The following PAPLN variants were observed in gnomAD, a reference collection of about 807,000 sequenced individuals.
PAPLN encodes papilin.
PAPLN carries 146 observed loss-of-function variants against 159.0 expected under a neutral mutation model. The observed-to-expected ratio is 0.92, with a 90% CI of 0.80 to 1.05. PAPLN has a LOEUF of 1.05. Among genes scored for constraint, PAPLN ranks in the 50% least tolerant of loss-of-function variants. PAPLN has a pLI of 0.00. For synonymous variants in PAPLN, 734 were observed against 702.9 expected (o/e 1.04, Z -0.70); for missense variants, 1,720 against 1,743.9 (o/e 0.99, Z 0.24).
Position 73,266,489 on chromosome 14 carries a change from C to G in PAPLN, c.3264-12C>G. 6.2e-7 allele frequency: 1 copy of G among 1,613,486 alleles called. No individual in the cohort carries two copies. The highest frequency in any genetic ancestry group is 8.5e-7 in the Non-Finnish European group (1 of 1,179,702). The stretch of plus-strand genomic sequence containing the variant: ...CTTGGGCTGGAGCCAACTGGCTGTA[C>G]TTGGTCCCCAGACACCAGCTGCAGC... On this transcript the variant is annotated splice_polypyrimidine_tract_variant and intron_variant, in intron 23 of 26. Coordinates refer to ENST00000644200, the MANE Select transcript of PAPLN (RefSeq NM_001365906.3).
Position 73,252,711 on chromosome 14 carries a change from C to T in PAPLN, c.1030C>T (p.Gln344Ter). Residue 344 changes from glutamine to a stop codon, truncating the protein, a stop_gained, in exon 11 of 27, where the codon CAG becomes TAG. Transcript: ENST00000644200. LOFTEE classifies it high-confidence loss of function. ...TGAGGCCTACCCCGACCACATGTGC[C>T]AGCGCCAGCCACGGCCAGCTGACCG... ...DHEAYPDHMC[Q>*]RQPRPADRRS... 1 of 1,613,522 alleles carries T rather than the reference C, an allele frequency of 6.2e-7. No individual in the cohort carries two copies. Among genetic ancestry groups the T allele is most frequent in the Non-Finnish European group, 8.5e-7 (1 of 1,180,000 alleles).
upstream of PAPLN, among the ~76,000 whole-genome samples, chr14:73,236,753 T>C (rs1594766630): frequency 6.8e-6 from 1 of 148,128 alleles, no homozygotes; most frequent in African/African-American, 2.5e-5. Flanking sequence ...GAGGCGGAGG[T>C]TGCAGTGAGC....
At position 73,253,650 on chromosome 14, in the gene PAPLN, G is replaced by GT. The variant is rs561981661; in HGVS notation, c.1095-103dup. ...CTGGAGGCTCAGAGGATGGGCTGGG[G>GT]TGGGGGTCCTCAGGCCACCTGTGTG... On this transcript the variant is annotated intron_variant, in intron 11 of 26. Coordinates refer to ENST00000644200, the MANE Select transcript of PAPLN (RefSeq NM_001365906.3). 9.6e-5 allele frequency: 104 copies of GT among 1,080,320 alleles called. No homozygotes were observed. The African/African-American group carries it at 1.5e-3, about 16-fold the overall frequency. 66.9% of individuals were successfully genotyped at this position (1,080,320 alleles called of 1,614,324 possible).
chr14:73,263,828 C>T (rs752523475), intron 20 of PAPLN, 46 bp downstream of exon 20: 118 of 1,548,426 alleles, frequency 7.6e-5, no homozygotes, highest in Non-Finnish European at 8.8e-5. Flanking sequence ...TGACAGCCCC[C>T]CTACCTTCCC....
At position 73,251,611 on chromosome 14, in the gene PAPLN, G is replaced by A. The variant is rs780151701; in HGVS notation, c.670+45G>A. ...TCCTAGGCAGGTCTGGGGCTGCAGG[G>A]GGAGGTGCGGCACTGCTCCCTCTGG... is the stretch of plus-strand genomic sequence containing the variant. On this transcript the variant is annotated intron_variant, in intron 8 of 26. Coordinates refer to ENST00000644200, the MANE Select transcript of PAPLN (RefSeq NM_001365906.3). 4.3e-6 allele frequency: 7 copies of A among 1,613,310 alleles called. 1 individual carries two copies. The Admixed American group carries it at 5.0e-5, about 12-fold the overall frequency.
At position 73,259,348 on chromosome 14, in the gene PAPLN, G is replaced by C; in HGVS notation, c.1788G>C (p.Arg596Ser). 1 of 1,611,632 alleles carries C rather than the reference G, an allele frequency of 6.2e-7. No individual in the cohort carries two copies. Among genetic ancestry groups the C allele is most frequent in the Non-Finnish European group, 8.5e-7 (1 of 1,178,822 alleles). ...ACAGGGGAGAACGAGGTGACCCCAG[G>C]GGCGACCAAGGCACCCACCTGTCAG... ...GDHRGERGDP[R>S]GDQGTHLSAL... The change falls in exon 16 of 27, where the codon AGG (arginine) becomes AGC (serine). Residue 596 changes from arginine (R) to serine (S), a missense_variant. By Grantham distance (110) the Arg-to-Ser change is moderately radical. Coordinates refer to ENST00000644200, the MANE Select transcript of PAPLN (RefSeq NM_001365906.3).
intron 16 of PAPLN, among the ~76,000 whole-genome samples, chr14:73,260,031 T>G (rs1410829510): frequency 6.6e-6 from 1 of 152,058 alleles, no homozygotes; most frequent in African/African-American, 2.4e-5. Context: ...ATCCCCAGTG[T>G]GCTGTCTCAG....
intron 11 of PAPLN, chr14:73,253,367 C>A: frequency 3.9e-6 from 3 of 766,540 alleles, no homozygotes; most frequent in Non-Finnish European, 5.8e-6. Context: ...TGGGTCCTTG[C>A]ACCCGGGGCC....
chr14:73,237,807 A>G (rs970660032), intron 1 of PAPLN, among the ~76,000 whole-genome samples: 1 of 151,926 alleles, frequency 6.6e-6, no homozygotes, highest in Non-Finnish European at 1.5e-5. Context: ...AGGAAAGGAA[A>G]TGCAGAGAGC....
rs762196647 is a variant in PAPLN, at chr14:73,262,755, T to C, written c.2651T>C (p.Leu884Pro). The change falls in exon 19 of 27, where the codon CTT becomes CCT. Residue 884 changes from leucine (L) to proline (P), a missense_variant. Leu to Pro is a moderately conservative substitution (Grantham distance 98). Coordinates refer to ENST00000644200, the MANE Select transcript of PAPLN (RefSeq NM_001365906.3). ...GGAGAATGGCCATGGGGGCAGGAGC[T>C]TGGGTCCAGGGCCCCTGGACTGGGT... Reference protein sequence around the residue: ...AFGEWPWGQELGSRAPGLGGD... With the variant: ...AFGEWPWGQEPGSRAPGLGGD... 5 of 1,511,012 alleles carry C rather than the reference T, an allele frequency of 3.3e-6. No individual in the cohort carries two copies. In the East Asian group the frequency reaches 1.1e-4, roughly 35 times the overall value. The allele number at this position is 1,511,012 out of a possible 1,614,324, so 93.6% of individuals were successfully genotyped here. A position where few individuals can be genotyped will look rare whatever the true frequency, so the allele number is the denominator to read the frequency against.
intron 14 of PAPLN, among the ~76,000 whole-genome samples, chr14:73,256,060 C>T (rs1019173626): frequency 4.6e-5 from 7 of 152,112 alleles, no homozygotes; most frequent in African/African-American, 1.4e-4. Context: ...CTCGGCCATC[C>T]GGAGGGCCCC....
chr14:73,258,875 TG>T, intron 14 of PAPLN, 103 bp from the exon 15 acceptor site: 1 of 1,094,160 alleles, frequency 9.1e-7, no homozygotes, highest in African/African-American at 1.6e-5. Context: ...AGGCCCTGCC[TG>T]GGCAGTGGGG....
chr14:73,267,094 GA>G, intron 25 of PAPLN, among the ~76,000 whole-genome samples: 1 of 152,278 alleles, frequency 6.6e-6, no homozygotes, highest in East Asian at 1.9e-4. Flanking sequence ...TTTGGTTGCT[GA>G]GGGCTGTCCT....
At position 73,253,807 on chromosome 14, in the gene PAPLN, A is replaced by G. The variant is rs1243492890; in HGVS notation, c.1148A>G (p.Gln383Arg). 6.2e-7 allele frequency: 1 copy of G among 1,612,354 alleles called. No homozygotes were observed. The highest frequency in any genetic ancestry group is 8.5e-7 in the Non-Finnish European group (1 of 1,178,954). ...PCSASCGGGS[Q>R]SRSVYCISSD... Reference sequence around the variant, plus strand: ...TCAGCCTCCTGTGGAGGAGGCTCCCAGTCCCGCTCCGTGTACTGCATCTCG... The same window carrying G: ...TCAGCCTCCTGTGGAGGAGGCTCCCGGTCCCGCTCCGTGTACTGCATCTCG... The change falls in exon 12 of 27, where the codon CAG (glutamine) becomes CGG (arginine). Residue 383 changes from glutamine to arginine, a missense_variant. Physicochemically the swap from Gln to Arg is conservative, Grantham distance 43 (BLOSUM62 1). Transcript: ENST00000644200.
chr14:73,236,621 A>C (rs568819419), upstream of PAPLN, among the ~76,000 whole-genome samples: 14 of 152,302 alleles, frequency 9.2e-5, no homozygotes, highest in South Asian at 2.7e-3. Flanking sequence ...GTTGGAGACC[A>C]GTCTGGCCAA....
intron 9 of PAPLN, 36 bp from the exon 10 acceptor site, chr14:73,251,982 C>T: frequency 1.3e-6 from 2 of 1,582,718 alleles, no homozygotes; most frequent in Non-Finnish European, 1.7e-6. Flanking sequence ...GAGTGCTCCC[C>T]AGCAGCAGAC....
chr14:73,252,231 G>A lies in PAPLN; in HGVS notation c.967+90G>A, dbSNP rs979146051. The A allele has an allele frequency of 7.5e-6, 11 of 1,461,260 alleles. No individual in the cohort carries two copies. The African/African-American group carries it at 9.8e-5, about 13-fold the overall frequency. 90.5% of individuals were successfully genotyped at this position (1,461,260 alleles called of 1,614,324 possible). The stretch of plus-strand genomic sequence containing the variant: ...GGGCAAGTCACAGCCCTCTCCTCAA[G>A]GCAGTCCCTCCTGGGGAGATGGACA... On this transcript the variant is annotated intron_variant, in intron 10 of 26. Coordinates refer to ENST00000644200, the MANE Select transcript of PAPLN (RefSeq NM_001365906.3).
chr14:73,239,856 C>T, intron 2 of PAPLN, 24 bp downstream of exon 2: 1 of 1,563,492 alleles, frequency 6.4e-7, no homozygotes, highest in Non-Finnish European at 8.6e-7. Flanking sequence ...TGCCCCGGCC[C>T]CCGGAGGAAC....
chr14:73,245,394 A>C lies in PAPLN; in HGVS notation c.171-242A>C. 1.8e-6 allele frequency: 1 copy of C among 545,714 alleles called. No individual in the cohort carries two copies. The highest frequency in any genetic ancestry group is 3.3e-6 in the Non-Finnish European group (1 of 303,878). 33.8% of individuals were successfully genotyped at this position (545,714 alleles called of 1,614,324 possible). A position where few individuals can be genotyped will look rare whatever the true frequency, so the allele number is the denominator to read the frequency against. ...TGGGAATCTGCCTAAGATGCAGTGG[A>C]GTGGTCCCGCCTTAAATCCAAACTA... On this transcript the variant is annotated intron_variant, in intron 3 of 26. Transcript: ENST00000644200. The surrounding 1 kb of genome is among the most constrained non-coding windows in gnomAD (Gnocchi z 4.2).
Sources: gnomAD v4.1 joint callset for allele counts (sites outside exome capture counted in the v4.1 genomes callset) on GRCh38, gnomAD v4.1.1 for gene constraint, Gnocchi (gnomAD v3.1) non-coding constraint, MANE v1.5 for transcripts, NCBI Gene and HGNC (gene_info 2026-07-23, HGNC 2026-07-21) for gene names.